The following CSMD1 variants were observed in gnomAD, a reference collection of about 807,000 sequenced individuals.
CSMD1 encodes the protein CUB and Sushi multiple domains 1, also known as CUB and sushi domain-containing protein 1.
In CSMD1, 213 loss-of-function variants were observed where a neutral mutation model predicts 417.5. The ratio of observed to expected loss-of-function variants is 0.51; its 90% confidence interval spans 0.46 to 0.57. CSMD1 has a LOEUF of 0.57. Ranked by LOEUF, CSMD1 falls within the 20% of genes least tolerant of loss-of-function variation. The probability of loss-of-function intolerance (pLI) is 0.00; values close to 1 mark genes in which losing one functional copy is unlikely to be tolerated. For synonymous variants in CSMD1, 2,862 were observed against 1,736.8 expected, an observed-to-expected ratio of 1.65 and a Z score of -16.11; for missense variants, 6,923 against 4,529.7, an observed-to-expected ratio of 1.53 and a Z score of -15.17.
intron 3 of CSMD1, among the ~76,000 whole-genome samples, chr8:4,300,609 G>C (rs1797930431): frequency 6.6e-6 from 1 of 152,118 alleles, no homozygotes; most frequent in South Asian, 2.1e-4. Flanking sequence ...ATGTATACAT[G>C]TGCCATGCTG....
At chr8:4,504,604 G>T (rs776209426) in intron 2 of CSMD1, among the ~76,000 whole-genome samples, 3 of 152,074 alleles carry the variant, frequency 2.0e-5, no homozygotes, top group African/African-American at 7.2e-5. Flanking sequence ...CATGCATTAG[G>T]CATTTGTCCT....
rs115259546 is a variant in CSMD1 at position 3,326,381 on chromosome 8, G to C, written c.3631+16913C>G. On this transcript the variant is annotated intron_variant, in intron 23 of 69. Coordinates refer to ENST00000635120, the MANE Select transcript of CSMD1 (RefSeq NM_033225.6). ...TCCACCTTCCTCCCTTTGAGAAATG[G>C]ATGAAGATTTATGTCCTGTTTTTAG... 8.1e-3 allele frequency among the ~76,000 whole-genome samples: 1,230 copies of C among 152,288 alleles called. 13 individuals carry two copies. Among genetic ancestry groups the C allele is most frequent in the African/African-American group, 0.027 (1,125 of 41,576 alleles).
chr8:3,079,315 C>G (rs1563315670), intron 49 of CSMD1, among the ~76,000 whole-genome samples: 1 of 152,090 alleles, frequency 6.6e-6, no homozygotes, highest in Non-Finnish European at 1.5e-5. Flanking sequence ...AAGTGTGTGT[C>G]TATATATAAA....
chr8:3,144,819 G>C (rs1327676058), intron 40 of CSMD1, among the ~76,000 whole-genome samples: 1 of 109,332 alleles, frequency 9.1e-6, no homozygotes, highest in African/African-American at 3.4e-5. Context: ...GAGGGAGGGA[G>C]AAGGGGTAAG....
intron 3 of CSMD1, among the ~76,000 whole-genome samples, chr8:4,203,476 G>A (rs891002171): frequency 2.0e-5 from 3 of 152,112 alleles, no homozygotes; most frequent in African/African-American, 4.8e-5. Context: ...CTATAATGAA[G>A]AAAACATGTT....
chr8:3,868,384 C>G (rs57931671), intron 5 of CSMD1, among the ~76,000 whole-genome samples: 32,610 of 151,984 alleles, frequency 0.21, 3,589 homozygotes, highest in East Asian at 0.34. Context: ...CTGCAGGCCA[C>G]AGGTCCCTGC....
At chr8:3,209,191 A>C (rs1797463257) in intron 30 of CSMD1, among the ~76,000 whole-genome samples, 1 of 152,222 alleles carries the variant, frequency 6.6e-6, no homozygotes, top group African/African-American at 2.4e-5. Flanking sequence ...TCTTCCTCAG[A>C]TCAAAATGCT....
At chr8:4,336,676 G>C (rs781129890) in intron 3 of CSMD1, among the ~76,000 whole-genome samples, 2 of 152,098 alleles carry the variant, frequency 1.3e-5, no homozygotes, top group African/African-American at 2.4e-5. Flanking sequence ...CTGTGACATA[G>C]TCCTTCGAAG....
At chr8:3,673,333 T>C (rs1403576511) in intron 7 of CSMD1, among the ~76,000 whole-genome samples, 2 of 152,194 alleles carry the variant, frequency 1.3e-5, no homozygotes, top group African/African-American at 2.4e-5. Context: ...ATTCAGCAAG[T>C]ACTGAACAAA....
chr8:3,434,389 C>G (rs560011253), intron 12 of CSMD1, among the ~76,000 whole-genome samples: 1 of 152,240 alleles, frequency 6.6e-6, no homozygotes, highest in Non-Finnish European at 1.5e-5. Context: ...TTAATTTCTT[C>G]TGAGCATTTG....
At chr8:3,520,709 G>C (rs1315314876) in intron 10 of CSMD1, among the ~76,000 whole-genome samples, 1 of 151,798 alleles carries the variant, frequency 6.6e-6, no homozygotes. Flanking sequence ...TCTGCTTGTT[G>C]CATGGCTGCC....
intron 3 of CSMD1, among the ~76,000 whole-genome samples, chr8:4,291,982 G>C (rs990951359): frequency 6.6e-6 from 1 of 152,180 alleles, no homozygotes; most frequent in Non-Finnish European, 1.5e-5. Flanking sequence ...TTTCATCAGA[G>C]TTTGAGACGC....
intron 10 of CSMD1, among the ~76,000 whole-genome samples, chr8:3,551,597 T>TATATATATATA (rs1491324597): frequency 1.7e-4 from 15 of 90,654 alleles, no homozygotes; most frequent in Non-Finnish European, 2.8e-4. Context: ...TATATATATA[T>TATATATATATA]TTTTTTTTTT....
At chr8:3,312,477 A>T (rs1805426002) in intron 23 of CSMD1, among the ~76,000 whole-genome samples, 1 of 152,188 alleles carries the variant, frequency 6.6e-6, no homozygotes, top group Non-Finnish European at 1.5e-5. Flanking sequence ...CAGAAAGTTG[A>T]AAGTATTTGG....
In CSMD1 at chr8:4,460,049, C is replaced by T. The variant is rs529368094; in HGVS notation, c.303-39984G>A. On this transcript the variant is annotated intron_variant, in intron 2 of 69. Coordinates refer to ENST00000635120, the MANE Select transcript of CSMD1 (RefSeq NM_033225.6). ...ACAGACATCTACAGAACATTCCAGC[C>T]AATAACAGAATATTGTTTTCAAGGG... Among the ~76,000 whole-genome samples the T allele has an allele frequency of 3.3e-5, 5 of 152,252 alleles. No individual in the cohort carries two copies. In the South Asian group the frequency reaches 1.0e-3, roughly 32 times the overall value.
intron 51 of CSMD1, 101 bp downstream of exon 51, chr8:3,029,218 T>C (rs1810163602): frequency 2.3e-6 from 2 of 865,384 alleles, no homozygotes; most frequent in Non-Finnish European, 1.7e-6. Flanking sequence ...TATAGGACTA[T>C]GGTAGATGAT....
intron 5 of CSMD1, among the ~76,000 whole-genome samples, chr8:3,943,954 T>C (rs1811060257): frequency 6.6e-6 from 1 of 152,094 alleles, no homozygotes; most frequent in South Asian, 2.1e-4. Flanking sequence ...TTAGGTAAAA[T>C]TTGAATTAGG....
At chr8:4,034,421 G>T (rs1585174688) in intron 3 of CSMD1, among the ~76,000 whole-genome samples, 1 of 152,136 alleles carries the variant, frequency 6.6e-6, no homozygotes, top group South Asian at 2.1e-4. Context: ...GTTCACTATT[G>T]TCTGCAATCA....
At chr8:3,453,515 T>C (rs1815892288) in intron 12 of CSMD1, among the ~76,000 whole-genome samples, 1 of 152,222 alleles carries the variant, frequency 6.6e-6, no homozygotes, top group Admixed American at 6.5e-5. Flanking sequence ...TGTTGTGTCT[T>C]TGTTCTCATT....
Sources: gnomAD v4.1 joint callset for allele counts (sites outside exome capture counted in the v4.1 genomes callset) on GRCh38, gnomAD v4.1.1 for gene constraint, MANE v1.5 for transcripts, NCBI Gene and HGNC (gene_info 2026-07-23, HGNC 2026-07-21) for gene names.